Variants in COMMD1 observed in about 807,000 individuals in gnomAD.
COMMD1 encodes COMM domain-containing protein 1.
Under a neutral mutation model 17.2 loss-of-function variants are expected in COMMD1, and 10 were observed. The ratio of observed to expected loss-of-function variants is 0.58; its 90% CI spans 0.36 to 0.99. COMMD1 has a LOEUF of 0.99. Among genes scored for constraint, COMMD1 ranks in the 50% least tolerant of loss-of-function variants. The pLI, the probability that COMMD1 is intolerant of heterozygous loss-of-function variation, is 0.01. For missense variants in COMMD1, 270 were observed against 231.8 expected (o/e 1.17, Z -1.07); for synonymous variants, 97 against 91.6 (o/e 1.06, Z -0.34).
intron 2 of COMMD1, among the ~76,000 whole-genome samples, chr2:62,046,277 A>G (rs529644107): frequency 6.6e-6 from 1 of 152,364 alleles, no homozygotes; most frequent in Non-Finnish European, 1.5e-5. Context: ...AAATAGTTCT[A>G]TGCTATAAAG....
intron 2 of COMMD1, among the ~76,000 whole-genome samples, chr2:62,040,402 T>TC (rs1355640001): frequency 6.6e-6 from 1 of 152,236 alleles, no homozygotes; most frequent in African/African-American, 2.4e-5. Context: ...TCATTTTCTT[T>TC]CCCTATGTTC....
intron 1 of COMMD1, among the ~76,000 whole-genome samples, chr2:61,990,468 CT>C (rs1158038131): frequency 6.6e-6 from 1 of 152,120 alleles, no homozygotes; most frequent in Non-Finnish European, 1.5e-5. Flanking sequence ...GGAAGGACTG[CT>C]TTGAGTCCAG....
At chr2:61,985,275 C>T (rs1443600009) in intron 1 of COMMD1, among the ~76,000 whole-genome samples, 1 of 152,172 alleles carries the variant, frequency 6.6e-6, no homozygotes, top group African/African-American at 2.4e-5. Flanking sequence ...TGGTCTCGAT[C>T]TCCTGACCTG....
intron 1 of COMMD1, among the ~76,000 whole-genome samples, chr2:61,951,183 G>T (rs989325284): frequency 6.6e-6 from 1 of 152,166 alleles, no homozygotes; most frequent in African/African-American, 2.4e-5. Context: ...TCTTTCTGCG[G>T]CTGGGCACAG....
chr2:61,957,486 C>G (rs893641396), intron 1 of COMMD1, among the ~76,000 whole-genome samples: 1 of 151,776 alleles, frequency 6.6e-6, no homozygotes, highest in Non-Finnish European at 1.5e-5. Context: ...TGTTTTTTGC[C>G]AAAGATGCTT....
intron 1 of COMMD1, among the ~76,000 whole-genome samples, chr2:61,970,089 T>C (rs929165136): frequency 6.6e-6 from 1 of 151,886 alleles, no homozygotes; most frequent in African/African-American, 2.4e-5. Context: ...AAACCCCATC[T>C]CTAGTAAAAA....
chr2:61,921,737 C>G (rs1305181399), intron 1 of COMMD1, among the ~76,000 whole-genome samples: 1 of 152,212 alleles, frequency 6.6e-6, no homozygotes, highest in African/African-American at 2.4e-5. Context: ...GCCACCGTGC[C>G]CAGCCCAACC....
chr2:62,014,542 C>CTTTTTTTTTTTTTTTTTT (rs67886279), intron 2 of COMMD1, among the ~76,000 whole-genome samples: 7 of 63,568 alleles, frequency 1.1e-4, no homozygotes, highest in African/African-American at 4.3e-4. Flanking sequence ...CCATTTTAAC[C>CTTTTTTTTTTTTTTTTTT]TTTTTTTTTT....
chr2:62,103,190 GA>G (rs1237555595), intron 2 of COMMD1, among the ~76,000 whole-genome samples: 1 of 152,116 alleles, frequency 6.6e-6, no homozygotes, highest in African/African-American at 2.4e-5. Flanking sequence ...ATGTTAGCCA[GA>G]ACGATCTCGA....
intron 2 of COMMD1, among the ~76,000 whole-genome samples, chr2:62,120,970 C>T (rs1672726478): frequency 6.6e-6 from 1 of 151,482 alleles, no homozygotes; most frequent in African/African-American, 2.4e-5. Flanking sequence ...TTGTGAACTC[C>T]TGAGCTCGGG....
At chr2:61,963,167 A>AT (rs1344942603) in intron 1 of COMMD1, among the ~76,000 whole-genome samples, 5 of 141,964 alleles carry the variant, frequency 3.5e-5, no homozygotes, top group South Asian at 4.4e-4. Flanking sequence ...CTCAAAAAAA[A>AT]AAATATATAT....
rs534765180 is a variant in COMMD1 at position 61,951,234 on chromosome 2, C to T, written c.180+45376C>T. ...ATCCCAGCACTTCGGGAGGTGGAGG[C>T]GGGTGGATAGGTTGAGGCCAGGAGT... On this transcript the variant is annotated intron_variant, in intron 1 of 2. Coordinates refer to ENST00000311832, the MANE Select transcript of COMMD1 (RefSeq NM_152516.4). Among the ~76,000 whole-genome samples, 8 of 152,072 alleles carry T rather than the reference C, an allele frequency of 5.3e-5. No individual in the cohort carries two copies. In the South Asian group the frequency reaches 1.5e-3, roughly 28 times the overall value.
At chr2:62,090,941 C>T (rs1412743373) in intron 2 of COMMD1, 1 of 152,250 alleles carries the variant, frequency 6.6e-6, no homozygotes, top group Admixed American at 6.5e-5. Context: ...CCTCATTTAA[C>T]TTCGGTGCCT....
At chr2:61,942,319 G>T (rs918510359) in intron 1 of COMMD1, among the ~76,000 whole-genome samples, 4 of 152,124 alleles carry the variant, frequency 2.6e-5, no homozygotes, top group African/African-American at 9.7e-5. Context: ...GTGCAGGCTG[G>T]TCTCGAACTC....
chr2:62,002,513 A>G (rs1668977470), intron 2 of COMMD1, among the ~76,000 whole-genome samples: 1 of 147,978 alleles, frequency 6.8e-6, no homozygotes, highest in African/African-American at 2.6e-5. Flanking sequence ...AAAAAAAAAA[A>G]AAAAAAAAAA....
chr2:61,984,600 T>C (rs540086767), intron 1 of COMMD1, among the ~76,000 whole-genome samples: 1 of 152,386 alleles, frequency 6.6e-6, no homozygotes, highest in Non-Finnish European at 1.5e-5. Flanking sequence ...TGGAGACTGA[T>C]TCATGTGCTA....
rs55740628 is a variant in COMMD1, at chr2:62,063,868, AATATATATATATATATATAT to A, written c.462+62897_462+62916del. On this transcript the variant is annotated intron_variant, in intron 2 of 2. Transcript: ENST00000311832. ...CAACATAGTGACACTGTCTCTACAA[AATATATATATATATATATAT>A]ATATATATATTAGCCAGGCATGGTG... Among the ~76,000 whole-genome samples the A allele has an allele frequency of 3.0e-4, 24 of 81,174 alleles. 1 individual carries two copies. Among genetic ancestry groups the A allele is most frequent in the African/African-American group, 7.3e-4 (15 of 20,470 alleles). The allele number at this position is 81,174 out of a possible 152,430, so 53.3% of individuals were successfully genotyped here. A position where few individuals can be genotyped will look rare whatever the true frequency, so the allele number is the denominator to read the frequency against.
chr2:61,920,977 A>G (rs917714170), intron 1 of COMMD1, among the ~76,000 whole-genome samples: 1 of 135,484 alleles, frequency 7.4e-6, no homozygotes, highest in Non-Finnish European at 1.5e-5. Context: ...ATATATATAT[A>G]TATATTTTTT....
chr2:62,126,668 A>T (rs1672896077), intron 2 of COMMD1, among the ~76,000 whole-genome samples: 1 of 152,156 alleles, frequency 6.6e-6, no homozygotes, highest in Non-Finnish European at 1.5e-5. Context: ...CCTTTGTCAG[A>T]TGGATAGATG....
Sources: gnomAD v4.1 joint callset for allele counts (sites outside exome capture counted in the v4.1 genomes callset) on GRCh38, gnomAD v4.1.1 for gene constraint, MANE v1.5 for transcripts, NCBI Gene and HGNC (gene_info 2026-07-23, HGNC 2026-07-21) for gene names.